The following RALGPS1 variants were observed in gnomAD, a reference collection of about 807,000 sequenced individuals.
RALGPS1 encodes the protein ras-specific guanine nucleotide-releasing factor RalGPS1.
A neutral mutation model predicts 78.8 loss-of-function variants in RALGPS1; 19 were observed. That is an observed-to-expected ratio of 0.24 (90% CI 0.17 to 0.35). The LOEUF is 0.35. Ranked by LOEUF, RALGPS1 falls within the 10% of genes least tolerant of loss-of-function variation. The pLI, the probability that RALGPS1 is intolerant of heterozygous loss-of-function variation, is 1.00. For synonymous variants in RALGPS1, 228 were observed against 256.3 expected (o/e 0.89, Z 1.06); for missense variants, 454 against 688.3 (o/e 0.66, Z 3.81).
chr9:127,103,945 C>G (rs1326731747), intron 8 of RALGPS1, among the ~76,000 whole-genome samples: 1 of 152,154 alleles, frequency 6.6e-6, no homozygotes, highest in African/African-American at 2.4e-5. Flanking sequence ...CTTGGCCAAG[C>G]CACTTACTAG....
At chr9:126,978,189 G>A (rs561296028) in intron 4 of RALGPS1, 1 of 153,400 alleles carries the variant, frequency 6.5e-6, no homozygotes, top group African/African-American at 2.4e-5. Context: ...TACATTGAAA[G>A]CATATATGGG....
intron 8 of RALGPS1, among the ~76,000 whole-genome samples, chr9:127,142,431 T>C (rs2057842816): frequency 6.6e-6 from 1 of 152,106 alleles, no homozygotes; most frequent in Admixed American, 6.5e-5. Context: ...ATTGTTTGGA[T>C]GAAGAGGACT....
chr9:126,990,065 C>T, intron 4 of RALGPS1: 1 of 1,534,140 alleles, frequency 6.5e-7, no homozygotes, highest in Non-Finnish European at 8.8e-7. Flanking sequence ...TTCCAGAAAG[C>T]CGAGGTCAAT....
rs1183699231 is a variant in RALGPS1 at position 126,932,247 on chromosome 9, T to C, written c.-66+17272T>C. On this transcript the variant is annotated intron_variant, in intron 1 of 18. Transcript: ENST00000259351. ...ATGAAGGGGGAAAAAGACAATATTA[T>C]GTTGGTGAGGTTGTGGAGCGATCAG... Among the ~76,000 whole-genome samples the C allele has an allele frequency of 2.0e-5, 3 of 152,336 alleles. No individual in the cohort carries two copies. In the East Asian group the frequency reaches 5.8e-4, roughly 29 times the overall value.
At chr9:127,006,425 A>T (rs898426473) in intron 4 of RALGPS1, among the ~76,000 whole-genome samples, 37 of 152,226 alleles carry the variant, frequency 2.4e-4, no homozygotes, top group African/African-American at 8.9e-4. Context: ...GTGATTTAGT[A>T]TACCACTGCC....
intron 10 of RALGPS1, among the ~76,000 whole-genome samples, chr9:127,174,279 AAGAAAG>A (rs1564719050): frequency 6.7e-6 from 1 of 150,092 alleles, no homozygotes; most frequent in African/African-American, 2.5e-5. Flanking sequence ...GAGAGAGAGA[AAGAAAG>A]AAAGAGAAAG....
At chr9:127,045,731 ACAC>A (rs2047693224) in intron 5 of RALGPS1, among the ~76,000 whole-genome samples, 1 of 38,132 alleles carries the variant, frequency 2.6e-5, no homozygotes, top group Non-Finnish European at 6.5e-5. Flanking sequence ...ATGGGTTAGT[ACAC>A]ACACACACAC....
At chr9:126,936,910 T>G (rs1037645511) in intron 1 of RALGPS1, among the ~76,000 whole-genome samples, 2 of 151,596 alleles carry the variant, frequency 1.3e-5, no homozygotes, top group African/African-American at 4.9e-5. Flanking sequence ...TACAGTGGCA[T>G]GATACTGTCT....
At chr9:127,204,875 G>C (rs551058369) in intron 14 of RALGPS1, among the ~76,000 whole-genome samples, 1 of 152,332 alleles carries the variant, frequency 6.6e-6, no homozygotes, top group East Asian at 1.9e-4. Flanking sequence ...AGAGGACCCT[G>C]GTAGATGCCC....
chr9:126,990,248 ATCTC>A (rs890750256), intron 4 of RALGPS1: 5 of 497,726 alleles, frequency 1.0e-5, no homozygotes, highest in Non-Finnish European at 1.8e-5. Flanking sequence ...TTCTCAGACC[ATCTC>A]TCTCTGCTAC....
chr9:126,986,531 G>T (rs2041818708), intron 4 of RALGPS1, among the ~76,000 whole-genome samples: 1 of 152,166 alleles, frequency 6.6e-6, no homozygotes, highest in Non-Finnish European at 1.5e-5. Flanking sequence ...GTGGTGTTTT[G>T]TCTCTACCAG....
chr9:127,123,036 G>A (rs1464756582), intron 8 of RALGPS1, among the ~76,000 whole-genome samples: 2 of 152,260 alleles, frequency 1.3e-5, no homozygotes, highest in Non-Finnish European at 2.9e-5. Flanking sequence ...GTGCAGCCGC[G>A]TGCGAGCAGC....
chr9:127,214,433 G>GT (rs1189136701), intron 17 of RALGPS1, among the ~76,000 whole-genome samples: 1 of 152,080 alleles, frequency 6.6e-6, no homozygotes, highest in Non-Finnish European at 1.5e-5. Context: ...CTGCTGGTTT[G>GT]TTTTTTAGTT....
chr9:127,162,267 A>G (rs2059063865), intron 8 of RALGPS1, among the ~76,000 whole-genome samples: 1 of 152,206 alleles, frequency 6.6e-6, no homozygotes, highest in African/African-American at 2.4e-5. Flanking sequence ...TTTGAAATAC[A>G]CAAATGATGC....
chr9:126,949,061 C>T (rs1422529346), intron 1 of RALGPS1, among the ~76,000 whole-genome samples: 7 of 151,560 alleles, frequency 4.6e-5, no homozygotes, highest in South Asian at 2.1e-4. Flanking sequence ...TGAGAACATG[C>T]GGTGTTTGGT....
intron 4 of RALGPS1, among the ~76,000 whole-genome samples, chr9:127,021,110 G>T (rs2045396156): frequency 6.6e-6 from 1 of 151,942 alleles, no homozygotes; most frequent in Non-Finnish European, 1.5e-5. Context: ...TTCTTCATTG[G>T]AGGCCAGGCC....
Position 127,196,625 on chromosome 9 carries a change from T to TC in RALGPS1, c.1192dup (p.Leu398ProfsTer4). ...CTCCTCTGCTGTCACCAATGGACTC[T>TC]CCCTAGGTAAGCGTCTCCGGCCTGC... On this transcript the variant is annotated frameshift_variant, in exon 13 of 19. Transcript: ENST00000259351. LOFTEE classifies it high-confidence loss of function. 1 of 1,595,246 alleles carries TC rather than the reference T, an allele frequency of 6.3e-7. No individual in the cohort carries two copies. Among genetic ancestry groups the TC allele is most frequent in the Non-Finnish European group, 8.5e-7 (1 of 1,169,644 alleles).
intron 4 of RALGPS1, among the ~76,000 whole-genome samples, chr9:126,981,244 G>A (rs532317779): frequency 1.3e-5 from 2 of 152,334 alleles, no homozygotes; most frequent in South Asian, 2.1e-4. Flanking sequence ...GGATGGTCCT[G>A]GAAGAAGAAT....
At chr9:127,128,645 G>A (rs779482438) in intron 8 of RALGPS1, among the ~76,000 whole-genome samples, 5 of 152,206 alleles carry the variant, frequency 3.3e-5, no homozygotes, top group Non-Finnish European at 7.4e-5. Flanking sequence ...TAAAACAGCT[G>A]CCACTAGACT....
Sources: gnomAD v4.1 joint callset for allele counts (sites outside exome capture counted in the v4.1 genomes callset) on GRCh38, gnomAD v4.1.1 for gene constraint, MANE v1.5 for transcripts, NCBI Gene and HGNC (gene_info 2026-07-23, HGNC 2026-07-21) for gene names.